The following CD9 variants were observed in gnomAD, a reference collection of about 807,000 sequenced individuals.
CD9 encodes CD9 molecule.
Under a neutral mutation model 31.4 loss-of-function variants are expected in CD9, and 10 were observed. The observed-to-expected ratio is 0.32, with a 90% CI of 0.20 to 0.54. The LOEUF (loss-of-function observed/expected upper bound fraction) is 0.54. Ranked by LOEUF, CD9 falls within the 20% of genes least tolerant of loss-of-function variation. The pLI, the probability that CD9 is intolerant of heterozygous loss-of-function variation, is 0.94. For missense variants in CD9, 259 were observed against 300.1 expected (o/e 0.86, Z 1.01); for synonymous variants, 113 against 114.1 (o/e 0.99, Z 0.06).
At chr12:6,221,825 A>G (rs1946295468) in intron 1 of CD9, among the ~76,000 whole-genome samples, 1 of 151,888 alleles carries the variant, frequency 6.6e-6, no homozygotes, top group Non-Finnish European at 1.5e-5. Flanking sequence ...AAAAAAAAAA[A>G]AAAAAAAAGG....
intron 1 of CD9, among the ~76,000 whole-genome samples, chr12:6,202,066 A>C (rs11568197): frequency 0.015 from 2,358 of 152,192 alleles, 79 homozygotes; most frequent in African/African-American, 0.054. Flanking sequence ...AAATGCACTT[A>C]TTCCCCCTGG....
rs887337892 is a variant in CD9, at chr12:6,225,304, T to A, written c.67-122T>A. The stretch of plus-strand genomic sequence containing the variant: ...TAATGGCATCTACAACTACCAGGCG[T>A]ATATGAGGGGCAGAGACCAAGGGTG... On this transcript the variant is annotated intron_variant, in intron 1 of 7. Transcript: ENST00000009180. The A allele has an allele frequency of 4.4e-6, 3 of 682,924 alleles. No homozygotes were observed. The African/African-American group carries it at 5.3e-5, about 12-fold the overall frequency. 42.3% of individuals were successfully genotyped at this position (682,924 alleles called of 1,614,324 possible).
intron 1 of CD9, among the ~76,000 whole-genome samples, chr12:6,216,291 G>T (rs1292146927): frequency 6.6e-6 from 1 of 152,228 alleles, no homozygotes; most frequent in East Asian, 1.9e-4. Flanking sequence ...GTATTTTGGG[G>T]CCTGGAAAAC....
At chr12:6,229,820 CTTT>C (rs60302514) in intron 2 of CD9, among the ~76,000 whole-genome samples, 1 of 136,016 alleles carries the variant, frequency 7.4e-6, no homozygotes. Context: ...ACCAGCCTTT[CTTT>C]TTTTTTTTTT....
chr12:6,209,403 T>C (rs1591963811), intron 1 of CD9, among the ~76,000 whole-genome samples: 1 of 151,968 alleles, frequency 6.6e-6, no homozygotes, highest in Non-Finnish European at 1.5e-5. Flanking sequence ...GGGTGGGGAG[T>C]CATCCATACC....
chr12:6,205,140 A>G (rs1436326837), intron 1 of CD9, among the ~76,000 whole-genome samples: 1 of 152,216 alleles, frequency 6.6e-6, no homozygotes, highest in Non-Finnish European at 1.5e-5. Context: ...TCCCACCTCC[A>G]GTGCCCAGAC....
intron 1 of CD9, among the ~76,000 whole-genome samples, chr12:6,221,358 G>A (rs573218180): frequency 5.9e-5 from 9 of 152,246 alleles, no homozygotes; most frequent in Non-Finnish European, 7.4e-5. Context: ...ATCCCCGCCC[G>A]ACCAGCTGGG....
chr12:6,215,473 G>T (rs1238507801), intron 1 of CD9, among the ~76,000 whole-genome samples: 1 of 152,210 alleles, frequency 6.6e-6, no homozygotes, highest in Admixed American at 6.5e-5. Context: ...AGGGAACTGC[G>T]AATTTGCATG....
At chr12:6,200,794 G>A (rs888710168) in intron 1 of CD9, 5 of 442,916 alleles carry the variant, frequency 1.1e-5, no homozygotes, top group Non-Finnish European at 2.0e-5. Flanking sequence ...CCGCCCAGCC[G>A]GCGTGGGGAG....
In CD9 at chr12:6,236,081, G is replaced by A. The variant is rs11568269; in HGVS notation, c.538-111G>A. On this transcript the variant is annotated intron_variant, in intron 6 of 7. Transcript: ENST00000009180. ...TTATCCCCGAACACTCCTGTCCCCAGCCCACCCTCTGCCCACCAGTTCTCC... is the reference window on the plus strand; with the variant it reads ...TTATCCCCGAACACTCCTGTCCCCAACCCACCCTCTGCCCACCAGTTCTCC... The A allele has an allele frequency of 6.9e-4, 1,050 of 1,528,560 alleles. 9 individuals are homozygous for A. The African/African-American group carries it at 9.1e-3, about 13-fold the overall frequency. 94.7% of individuals were successfully genotyped at this position (1,528,560 alleles called of 1,614,324 possible).
chr12:6,237,048 G>C (rs1014594888), intron 7 of CD9, among the ~76,000 whole-genome samples: 2 of 151,864 alleles, frequency 1.3e-5, no homozygotes, highest in African/African-American at 4.8e-5. Flanking sequence ...GTGTGATCTC[G>C]ACTCACTGCA....
chr12:6,200,389 G>A, upstream of CD9: 3 of 690,694 alleles, frequency 4.3e-6, no homozygotes, highest in South Asian at 1.6e-5. Flanking sequence ...TGCAGCCGGA[G>A]ACCAGCCTAC....
intron 1 of CD9, among the ~76,000 whole-genome samples, chr12:6,205,346 G>A (rs902828948): frequency 2.6e-5 from 4 of 152,182 alleles, no homozygotes; most frequent in Admixed American, 6.5e-5. Flanking sequence ...TCACACTCAC[G>A]TTCTCTACCC....
intron 1 of CD9, among the ~76,000 whole-genome samples, chr12:6,223,555 C>G (rs796174572): frequency 1.8e-4 from 27 of 152,234 alleles, no homozygotes; most frequent in African/African-American, 6.3e-4. Context: ...GCCACTGCAC[C>G]CAGCCCACCT....
chr12:6,223,150 A>G (rs909221527), intron 1 of CD9, among the ~76,000 whole-genome samples: 1 of 152,142 alleles, frequency 6.6e-6, no homozygotes, highest in Non-Finnish European at 1.5e-5. Context: ...TACAGTTTTC[A>G]GGTTAACGCT....
chr12:6,211,578 T>C (rs1217804181), intron 1 of CD9, among the ~76,000 whole-genome samples: 1 of 152,180 alleles, frequency 6.6e-6, no homozygotes, highest in Non-Finnish European at 1.5e-5. Flanking sequence ...GCAGATGGAA[T>C]GAGAGCAAGC....
intron 2 of CD9, among the ~76,000 whole-genome samples, chr12:6,228,035 AG>A (rs1946392015): frequency 6.6e-6 from 1 of 152,184 alleles, no homozygotes; most frequent in Admixed American, 6.5e-5. Context: ...TGAAGTGACC[AG>A]GAGGGTGATT....
rs537145469 is a variant in CD9 at position 6,208,799 on chromosome 12, G to T, written c.66+8234G>T. On this transcript the variant is annotated intron_variant, in intron 1 of 7. Transcript: ENST00000009180. ...GGCCGGTCTTGAACTCCTGACCTCAGGTGATCCACCCGCCTCAGCCTCCCA... is the reference window on the plus strand; with the variant it reads ...GGCCGGTCTTGAACTCCTGACCTCATGTGATCCACCCGCCTCAGCCTCCCA... Among the ~76,000 whole-genome samples, 23 of 152,198 alleles carry T rather than the reference G, an allele frequency of 1.5e-4. No homozygotes were observed. The South Asian group carries it at 4.6e-3, about 30-fold the overall frequency.
chr12:6,217,734 G>A lies in CD9; in HGVS notation c.67-7692G>A, dbSNP rs534122890. Among the ~76,000 whole-genome samples the A allele has an allele frequency of 4.6e-5, 7 of 152,168 alleles. No homozygotes were observed. The East Asian group carries it at 1.4e-3, about 29-fold the overall frequency. On this transcript the variant is annotated intron_variant, in intron 1 of 7. Transcript: ENST00000009180. The stretch of plus-strand genomic sequence containing the variant: ...TTTCCAGGAGGACAATGGGAAGTTG[G>A]GAAGAAAGTTCTCCCTCCTTCCTGG...
Sources: gnomAD v4.1 joint callset for allele counts (sites outside exome capture counted in the v4.1 genomes callset) on GRCh38, gnomAD v4.1.1 for gene constraint, MANE v1.5 for transcripts, NCBI Gene and HGNC (gene_info 2026-07-23, HGNC 2026-07-21) for gene names.